SPTLC2: variants seen among roughly 807,000 people sequenced by gnomAD.
The protein encoded by SPTLC2 is serine palmitoyltransferase 2.
In SPTLC2, 21 loss-of-function variants were observed where a neutral mutation model predicts 62.0. The observed-to-expected ratio is 0.34, with a 90% CI of 0.24 to 0.49. The LOEUF is 0.49. Ranked by LOEUF, SPTLC2 falls within the 20% of genes least tolerant of loss-of-function variation. The pLI is 0.99. For missense variants in SPTLC2, 511 were observed against 713.0 expected (o/e 0.72, Z 3.23); for synonymous variants, 261 against 261.8 (o/e 1.00, Z 0.03).
At chr14:77,560,239 T>A (rs2079607228) in intron 6 of SPTLC2, among the ~76,000 whole-genome samples, 1 of 152,166 alleles carries the variant, frequency 6.6e-6, no homozygotes, top group South Asian at 2.1e-4. Context: ...GTAGCACTAT[T>A]CACAACAGCA....
intron 5 of SPTLC2, among the ~76,000 whole-genome samples, chr14:77,565,470 G>A (rs996609828): frequency 2.0e-5 from 3 of 152,148 alleles, no homozygotes; most frequent in Admixed American, 1.3e-4. Context: ...TACATCATCA[G>A]TAATATGTAT....
At chr14:77,521,013 G>C (rs2079382479) in intron 10 of SPTLC2, among the ~76,000 whole-genome samples, 1 of 152,182 alleles carries the variant, frequency 6.6e-6, no homozygotes, top group South Asian at 2.1e-4. Context: ...TCCTTACCCT[G>C]ACCACCCTAT....
chr14:77,608,607 A>G (rs976024681), intron 1 of SPTLC2, among the ~76,000 whole-genome samples: 1 of 152,186 alleles, frequency 6.6e-6, no homozygotes, highest in Non-Finnish European at 1.5e-5. Flanking sequence ...GCAAATAGAT[A>G]TACTGTATCA....
At chr14:77,601,874 T>C (rs935604443) in intron 1 of SPTLC2, among the ~76,000 whole-genome samples, 1 of 152,198 alleles carries the variant, frequency 6.6e-6, no homozygotes, top group Non-Finnish European at 1.5e-5. Flanking sequence ...ATTTTATCCG[T>C]GGACCCAAAA....
chr14:77,595,572 A>G (rs1397356152), intron 2 of SPTLC2, among the ~76,000 whole-genome samples: 6 of 152,128 alleles, frequency 3.9e-5, no homozygotes, highest in Non-Finnish European at 8.8e-5. Context: ...GATGGTTGAG[A>G]TGAGAGAGAA....
At chr14:77,548,396 C>A (rs1292492595) in intron 9 of SPTLC2, among the ~76,000 whole-genome samples, 1 of 152,142 alleles carries the variant, frequency 6.6e-6, no homozygotes, top group Admixed American at 6.6e-5. Flanking sequence ...TAAAATACAT[C>A]AAAGCACAGC....
At chr14:77,607,184 A>G (rs2140064025) in intron 1 of SPTLC2, among the ~76,000 whole-genome samples, 1 of 152,282 alleles carries the variant, frequency 6.6e-6, no homozygotes, top group East Asian at 1.9e-4. Context: ...AAGACGAAAA[A>G]CACATACAAA....
intron 9 of SPTLC2, among the ~76,000 whole-genome samples, chr14:77,522,507 T>A (rs776456995): frequency 3.9e-5 from 6 of 152,222 alleles, no homozygotes; most frequent in Admixed American, 3.3e-4. Context: ...ATATCTGTAA[T>A]AGTATAAAAT....
At chr14:77,532,641 G>A (rs1381367401) in intron 9 of SPTLC2, among the ~76,000 whole-genome samples, 4 of 151,910 alleles carry the variant, frequency 2.6e-5, no homozygotes, top group Non-Finnish European at 4.4e-5. Flanking sequence ...AAAATTAGCT[G>A]GGTGTGGTGG....
intron 1 of SPTLC2, among the ~76,000 whole-genome samples, chr14:77,603,676 AAC>A (rs955161102): frequency 6.6e-6 from 1 of 152,206 alleles, no homozygotes. Flanking sequence ...CTAGCTGTGA[AAC>A]ACATTTATAT....
At chr14:77,531,543 T>C (rs527376779) in intron 9 of SPTLC2, among the ~76,000 whole-genome samples, 48 of 147,810 alleles carry the variant, frequency 3.2e-4, no homozygotes, top group African/African-American at 1.2e-3. Flanking sequence ...GATGGAGTTT[T>C]GCTTTTGTTG....
chr14:77,544,145 TAC>T (rs2079516265), intron 9 of SPTLC2, among the ~76,000 whole-genome samples: 2 of 152,266 alleles, frequency 1.3e-5, no homozygotes, highest in South Asian at 4.1e-4. Flanking sequence ...TAGCTAGGAT[TAC>T]AGACGTGTAC....
chr14:77,528,506 C>T (rs948411190), intron 9 of SPTLC2, among the ~76,000 whole-genome samples: 1 of 152,162 alleles, frequency 6.6e-6, no homozygotes, highest in Admixed American at 6.5e-5. Context: ...GCTGGGATTA[C>T]AGGCATGAGG....
At chr14:77,612,198 T>C (rs1466106662) in intron 1 of SPTLC2, among the ~76,000 whole-genome samples, 1 of 152,192 alleles carries the variant, frequency 6.6e-6, no homozygotes. Flanking sequence ...ATTCTACCAA[T>C]AAACACTGCT....
At chr14:77,614,142 T>C (rs2079952244) in intron 1 of SPTLC2, among the ~76,000 whole-genome samples, 1 of 152,242 alleles carries the variant, frequency 6.6e-6, no homozygotes, top group Admixed American at 6.5e-5. Flanking sequence ...ATGTTATTCA[T>C]ACAGATTTTA....
chr14:77,512,462 G>A, intron 11 of SPTLC2, 59 bp from the exon 12 acceptor site: 2 of 1,612,776 alleles, frequency 1.2e-6, no homozygotes, highest in Non-Finnish European at 1.7e-6. Flanking sequence ...AGGCATGCCT[G>A]GTGTTTTACT....
At chr14:77,538,332 C>T (rs886559555) in intron 9 of SPTLC2, among the ~76,000 whole-genome samples, 10 of 152,192 alleles carry the variant, frequency 6.6e-5, no homozygotes, top group Non-Finnish European at 1.3e-4. Context: ...CTCATGCACA[C>T]CCCATCATAA....
chr14:77,532,382 G>A (rs1175896640), intron 9 of SPTLC2, among the ~76,000 whole-genome samples: 1 of 152,114 alleles, frequency 6.6e-6, no homozygotes, highest in East Asian at 1.9e-4. Flanking sequence ...TAATTCTCAT[G>A]AAGACATTTT....
At chr14:77,608,072 G>A (rs1028706127) in intron 1 of SPTLC2, among the ~76,000 whole-genome samples, 6 of 152,186 alleles carry the variant, frequency 3.9e-5, no homozygotes, top group African/African-American at 9.7e-5. Context: ...AGAGGGTGCC[G>A]CAAAAGTCAC....
Sources: gnomAD v4.1 joint callset for allele counts (sites outside exome capture counted in the v4.1 genomes callset) on GRCh38, gnomAD v4.1.1 for gene constraint, MANE v1.5 for transcripts, NCBI Gene and HGNC (gene_info 2026-07-23, HGNC 2026-07-21) for gene names.